ENPP6: variants seen among roughly 807,000 people sequenced by gnomAD.
ENPP6 encodes the protein ectonucleotide pyrophosphatase/phosphodiesterase 6.
ENPP6 carries 32 observed loss-of-function variants against 42.0 expected under a neutral mutation model. That is an observed-to-expected ratio of 0.76 (90% CI 0.58 to 1.02). ENPP6 has a LOEUF of 1.02. Among genes scored for constraint, ENPP6 ranks in the 50% least tolerant of loss-of-function variants. The probability of loss-of-function intolerance (pLI) is 0.00; values close to 1 mark genes in which losing one functional copy is unlikely to be tolerated. For missense variants in ENPP6, 552 were observed against 566.8 expected, an observed-to-expected ratio of 0.97 and a Z score of 0.27; for synonymous variants, 213 against 216.0, an observed-to-expected ratio of 0.99 and a Z score of 0.12.
At chr4:184,158,788 T>C (rs1348933928) in intron 1 of ENPP6, among the ~76,000 whole-genome samples, 1 of 152,250 alleles carries the variant, frequency 6.6e-6, no homozygotes, top group Non-Finnish European at 1.5e-5. Context: ...TTTTTGCTGG[T>C]GTCACTTCCT....
intron 1 of ENPP6, among the ~76,000 whole-genome samples, chr4:184,190,151 A>G (rs1171124350): frequency 6.6e-6 from 1 of 152,182 alleles, no homozygotes; most frequent in Non-Finnish European, 1.5e-5. Context: ...ACTCTCTGTT[A>G]TAAGTGGCTT....
chr4:184,140,343 C>T (rs920658154), intron 2 of ENPP6, among the ~76,000 whole-genome samples: 4 of 151,780 alleles, frequency 2.6e-5, no homozygotes, highest in African/African-American at 9.7e-5. Flanking sequence ...CAATGCCATC[C>T]CCATCAAGCT....
intron 5 of ENPP6, among the ~76,000 whole-genome samples, chr4:184,115,273 G>C (rs1224069232): frequency 3.3e-5 from 5 of 152,116 alleles, no homozygotes; most frequent in African/African-American, 1.2e-4. Context: ...CTGCCCCCAG[G>C]AAGACAGTTG....
intron 2 of ENPP6, among the ~76,000 whole-genome samples, chr4:184,145,839 C>T (rs1247174760): frequency 1.3e-5 from 2 of 152,180 alleles, no homozygotes; most frequent in Non-Finnish European, 2.9e-5. Context: ...GAATTCCTTA[C>T]TGTAAACCCA....
chr4:184,109,077 G>A (rs1449913602), intron 6 of ENPP6, among the ~76,000 whole-genome samples: 1 of 152,138 alleles, frequency 6.6e-6, no homozygotes, highest in Non-Finnish European at 1.5e-5. Flanking sequence ...TGGGCAGGGT[G>A]GTGGGCACCT....
chr4:184,134,513 A>C (rs955649847), intron 2 of ENPP6, among the ~76,000 whole-genome samples: 8 of 152,146 alleles, frequency 5.3e-5, no homozygotes, highest in African/African-American at 1.9e-4. Context: ...TTTCAAATAC[A>C]TTGGTGTAAC....
Position 184,184,280 on chromosome 4 carries a change from G to A in ENPP6, c.242-30547C>T, listed in dbSNP as rs560443547. On this transcript the variant is annotated intron_variant, in intron 1 of 7. Coordinates refer to ENST00000296741, the MANE Select transcript of ENPP6 (RefSeq NM_153343.4). The surrounding 1 kb of genome is among the most constrained non-coding windows in gnomAD (Gnocchi z 4.7). The stretch of plus-strand genomic sequence containing the variant: ...TAGAATAAAAGACAAGCTTTATGAC[G>A]TGTTTAAAGAAATAAAAGATAGAAT... Among the ~76,000 whole-genome samples, 5 of 152,240 alleles carry A rather than the reference G, an allele frequency of 3.3e-5. No individual in the cohort carries two copies. The highest frequency in any genetic ancestry group is 1.2e-4 in the African/African-American group (5 of 41,536).
intron 1 of ENPP6, among the ~76,000 whole-genome samples, chr4:184,208,821 T>G (rs1733052730): frequency 7.0e-6 from 1 of 142,492 alleles, no homozygotes; most frequent in Admixed American, 7.2e-5. Context: ...CAGTAACCTC[T>G]GCAGACTTAA....
chr4:184,112,637 C>A, intron 6 of ENPP6, 35 bp downstream of exon 6: 1 of 1,597,594 alleles, frequency 6.3e-7, no homozygotes, highest in Admixed American at 1.8e-5. Flanking sequence ...ATAGAATTTG[C>A]ATAGAGAATA....
At chr4:184,145,384 G>T (rs1032348827) in intron 2 of ENPP6, among the ~76,000 whole-genome samples, 1 of 151,764 alleles carries the variant, frequency 6.6e-6, no homozygotes, top group African/African-American at 2.4e-5. Context: ...CAACATGAAA[G>T]CATCAAATGA....
chr4:184,140,838 T>A (rs1429831940), intron 2 of ENPP6, among the ~76,000 whole-genome samples: 1 of 132,126 alleles, frequency 7.6e-6, no homozygotes, highest in Non-Finnish European at 1.6e-5. Context: ...GGGCAAGGAC[T>A]TCATGTCTAA....
chr4:184,155,807 A>G (rs577696575), intron 1 of ENPP6, among the ~76,000 whole-genome samples: 1 of 152,350 alleles, frequency 6.6e-6, no homozygotes, highest in Non-Finnish European at 1.5e-5. Context: ...CTATACTTGT[A>G]TATCTCAGAA....
At chr4:184,182,692 T>G (rs917429747) in intron 1 of ENPP6, among the ~76,000 whole-genome samples, 1 of 152,156 alleles carries the variant, frequency 6.6e-6, no homozygotes, top group Non-Finnish European at 1.5e-5. Flanking sequence ...AAGAATGAGA[T>G]TTTTGTCTTT....
At chr4:184,172,981 T>C (rs1414824768) in intron 1 of ENPP6, among the ~76,000 whole-genome samples, 1 of 152,162 alleles carries the variant, frequency 6.6e-6, no homozygotes, top group East Asian at 1.9e-4. Flanking sequence ...TAGCGCCAAC[T>C]ACAACCTCCG....
chr4:184,176,995 T>C (rs547271750), intron 1 of ENPP6, among the ~76,000 whole-genome samples: 16 of 152,290 alleles, frequency 1.1e-4, no homozygotes, highest in African/African-American at 3.9e-4. Flanking sequence ...CCTGGATCTG[T>C]ACAACCTACA....
At chr4:184,116,739 A>G (rs941254135) in intron 5 of ENPP6, 117 bp downstream of exon 5, 278 of 1,406,378 alleles carry the variant, frequency 2.0e-4, no homozygotes, top group Middle Eastern at 5.2e-4. Context: ...GCCTCAAAAA[A>G]AGAAACAAAC....
chr4:184,190,205 G>A (rs1472617575), intron 1 of ENPP6, among the ~76,000 whole-genome samples: 2 of 152,302 alleles, frequency 1.3e-5, no homozygotes, highest in South Asian at 4.1e-4. Flanking sequence ...AAAAGAAGTT[G>A]TTTAAACCAC....
chr4:184,102,502 A>G (rs551798048), intron 6 of ENPP6, among the ~76,000 whole-genome samples: 1 of 152,288 alleles, frequency 6.6e-6, no homozygotes, highest in East Asian at 1.9e-4. Context: ...TCCACCATAT[A>G]CAGGAGAATG....
chr4:184,117,828 T>C lies in ENPP6; in HGVS notation c.606A>G (p.Ala202=), dbSNP rs1490841777. 5 of 1,614,122 alleles carry C rather than the reference T, an allele frequency of 3.1e-6. No homozygotes were observed. The highest frequency in any genetic ancestry group is 1.3e-5 in the African/African-American group (1 of 74,932). Residue 202 remains alanine, a synonymous_variant, in exon 4 of 8, where the codon GCA becomes GCG. Transcript: ENST00000296741. ...TGAGGGCATCTTTCCTCTGCGGAGA[T>C]GCAGGCCCGTAGTGGTGGCCTTCCA... ...IDVEGHHYGP[A]SPQRKDALKA...
Sources: allele counts gnomAD v4.1 joint callset (sites outside exome capture counted in the v4.1 genomes callset), GRCh38; gene constraint gnomAD v4.1.1; non-coding constraint Gnocchi (gnomAD v3.1); transcripts MANE v1.5; gene names NCBI Gene and HGNC (gene_info 2026-07-23, HGNC 2026-07-21).